Variants in NAALADL2 observed in about 807,000 individuals in gnomAD.
NAALADL2 encodes the protein inactive N-acetylated-alpha-linked acidic dipeptidase-like protein 2.
In NAALADL2, 76 loss-of-function variants were observed where a neutral mutation model predicts 87.2. The observed-to-expected ratio is 0.87, with a 90% CI of 0.72 to 1.05. The LOEUF (loss-of-function observed/expected upper bound fraction) is 1.05. NAALADL2 is among the 50% of genes least tolerant of loss of function. NAALADL2 has a pLI of 0.00. For synonymous variants in NAALADL2, 354 were observed against 331.0 expected (o/e 1.07, Z -0.75); for missense variants, 1,089 against 945.8 (o/e 1.15, Z -1.99).
intron 1 of NAALADL2, among the ~76,000 whole-genome samples, chr3:174,507,509 G>A (rs73881199): frequency 2.0e-5 from 3 of 151,804 alleles, no homozygotes; most frequent in South Asian, 4.2e-4. Context: ...GTATATAGCC[G>A]ACTACATTCA....
chr3:174,835,515 A>T (rs1259720826), intron 3 of NAALADL2, among the ~76,000 whole-genome samples: 2 of 152,156 alleles, frequency 1.3e-5, no homozygotes, highest in African/African-American at 4.8e-5. Flanking sequence ...CTATATCAAA[A>T]TTATAAAGTT....
chr3:175,132,247 C>T (rs1460528470), intron 2 of NAALADL2, among the ~76,000 whole-genome samples: 2 of 28,868 alleles, frequency 6.9e-5, no homozygotes, highest in Non-Finnish European at 5.9e-5. Context: ...GACGGGGCGG[C>T]TGGCCGGGCG....
At chr3:175,123,972 TC>T (rs201450290) in intron 2 of NAALADL2, among the ~76,000 whole-genome samples, 3,104 of 152,082 alleles carry the variant, frequency 0.02, 51 homozygotes, top group Admixed American at 0.031. Context: ...GTTTTTTTCC[TC>T]TTAAGGAAAG....
At position 174,902,411 on chromosome 3, in the gene NAALADL2, A is replaced by T. The variant is rs185063584; in HGVS notation, c.43+42961A>T. Among the ~76,000 whole-genome samples, 4 of 152,250 alleles carry T rather than the reference A, an allele frequency of 2.6e-5. No homozygotes were observed. The East Asian group carries it at 5.8e-4, about 22-fold the overall frequency. On this transcript the variant is annotated intron_variant, in intron 1 of 13. Transcript: ENST00000454872. ...TAAATCTCTTCTCCACCCGGTAGTGACTATTAATGTAATTATTACATAAAA... is the reference window on the plus strand; with the variant it reads ...TAAATCTCTTCTCCACCCGGTAGTGTCTATTAATGTAATTATTACATAAAA...
intron 4 of NAALADL2, among the ~76,000 whole-genome samples, chr3:175,317,351 TA>T (rs34837825): frequency 0.49 from 73,071 of 149,428 alleles, 19,360 homozygotes; most frequent in East Asian, 0.7. Flanking sequence ...GTTAGCACAT[TA>T]AAAAAAAAAT....
intron 1 of NAALADL2, among the ~76,000 whole-genome samples, chr3:174,972,892 A>T (rs1391883198): frequency 6.6e-6 from 1 of 150,378 alleles, no homozygotes; most frequent in Non-Finnish European, 1.5e-5. Context: ...GCTAGTCGGG[A>T]GGCTGAGGGA....
At chr3:174,912,526 T>C (rs1240761044) in intron 1 of NAALADL2, among the ~76,000 whole-genome samples, 1 of 152,152 alleles carries the variant, frequency 6.6e-6, no homozygotes, top group East Asian at 1.9e-4. Context: ...TAAAAGGTGT[T>C]TCTGTTTTCA....
chr3:175,323,980 T>A (rs1355527258), intron 4 of NAALADL2, among the ~76,000 whole-genome samples, 195 bp from the exon 5 acceptor site: 1 of 136,964 alleles, frequency 7.3e-6, no homozygotes, highest in Non-Finnish European at 1.5e-5. Context: ...ATCACGCTAC[T>A]GCACTCCAGC....
intron 2 of NAALADL2, among the ~76,000 whole-genome samples, chr3:175,131,924 T>C (rs1728013503): frequency 1.9e-5 from 2 of 103,780 alleles, no homozygotes; most frequent in African/African-American, 4.1e-5. Context: ...GAGGGGCTCC[T>C]CACTTCCCAG....
At chr3:175,250,398 C>T (rs1363031601) in intron 3 of NAALADL2, among the ~76,000 whole-genome samples, 1 of 151,978 alleles carries the variant, frequency 6.6e-6, no homozygotes, top group Non-Finnish European at 1.5e-5. Flanking sequence ...AATTCTTAGC[C>T]TCCATAACTC....
intron 5 of NAALADL2, among the ~76,000 whole-genome samples, chr3:175,339,959 A>G (rs1416693040): frequency 6.6e-6 from 1 of 152,178 alleles, no homozygotes; most frequent in Non-Finnish European, 1.5e-5. Flanking sequence ...ACCTCAACAC[A>G]TCATTATTTA....
chr3:174,864,992 T>C (rs1220152971), intron 1 of NAALADL2, among the ~76,000 whole-genome samples: 2 of 152,078 alleles, frequency 1.3e-5, no homozygotes, highest in Non-Finnish European at 2.9e-5. Flanking sequence ...CTAATTACTC[T>C]TCAGGAAAAG....
At chr3:174,512,330 C>T (rs1001033109) in intron 1 of NAALADL2, among the ~76,000 whole-genome samples, 2 of 151,972 alleles carry the variant, frequency 1.3e-5, no homozygotes, top group African/African-American at 4.8e-5. Context: ...CATCTTTGTT[C>T]TCTTGTAGAT....
At chr3:175,326,573 A>G (rs1760729834) in intron 5 of NAALADL2, among the ~76,000 whole-genome samples, 1 of 152,150 alleles carries the variant, frequency 6.6e-6, no homozygotes, top group African/African-American at 2.4e-5. Flanking sequence ...GTGTTGCTAT[A>G]ATGGAGTGCT....
chr3:174,780,381 G>A (rs144926491), intron 3 of NAALADL2, among the ~76,000 whole-genome samples: 1,579 of 152,108 alleles, frequency 0.01, 33 homozygotes, highest in African/African-American at 0.036. Context: ...GGAGATTTTG[G>A]GCTGAGACAA....
At chr3:174,820,407 T>G (rs1218792805) in intron 3 of NAALADL2, among the ~76,000 whole-genome samples, 1 of 152,200 alleles carries the variant, frequency 6.6e-6, no homozygotes, top group Non-Finnish European at 1.5e-5. Flanking sequence ...TACTTTTTCA[T>G]TTTTGATGGA....
chr3:175,792,306 T>G (rs2184208), intron 13 of NAALADL2, among the ~76,000 whole-genome samples: 83,350 of 152,020 alleles, frequency 0.55, 25,085 homozygotes, highest in African/African-American at 0.82. Flanking sequence ...TTAAAAATAT[T>G]AAATGTGATG....
At chr3:175,455,226 T>C (rs1722154906) in intron 6 of NAALADL2, among the ~76,000 whole-genome samples, 1 of 152,046 alleles carries the variant, frequency 6.6e-6, no homozygotes, top group African/African-American at 2.4e-5. Context: ...ATGCCTTCAA[T>C]TGGGTAAACT....
intron 3 of NAALADL2, among the ~76,000 whole-genome samples, chr3:175,238,104 T>G (rs1056169447): frequency 2.6e-5 from 4 of 152,142 alleles, no homozygotes; most frequent in African/African-American, 4.8e-5. Context: ...TCTGAGAGTT[T>G]TCTACATGTT....
Sources: gnomAD v4.1 joint callset for allele counts (sites outside exome capture counted in the v4.1 genomes callset) on GRCh38, gnomAD v4.1.1 for gene constraint, MANE v1.5 for transcripts, NCBI Gene and HGNC (gene_info 2026-07-23, HGNC 2026-07-21) for gene names.